Variants in SHANK2 observed in about 807,000 individuals in gnomAD.
The protein encoded by SHANK2 is SH3 and multiple ankyrin repeat domains protein 2.
In SHANK2, 43 loss-of-function variants were observed where a neutral mutation model predicts 133.7. The observed-to-expected ratio is 0.32, with a 90% CI of 0.25 to 0.41. SHANK2 has a LOEUF of 0.41. SHANK2 is among the 10% of genes least tolerant of loss of function. The pLI is 1.00. For missense variants in SHANK2, 1,994 were observed against 2,235.8 expected (o/e 0.89, Z 2.18); for synonymous variants, 1,017 against 952.8 (o/e 1.07, Z -1.24).
At chr11:70,883,051 C>A (rs1203584912) in intron 11 of SHANK2, among the ~76,000 whole-genome samples, 1 of 152,096 alleles carries the variant, frequency 6.6e-6, no homozygotes, top group Non-Finnish European at 1.5e-5. Context: ...AGGGGCGGCT[C>A]CGGAGTCAGG....
chr11:71,062,747 A>G (rs1951002030), intron 9 of SHANK2, among the ~76,000 whole-genome samples: 1 of 152,032 alleles, frequency 6.6e-6, no homozygotes, highest in African/African-American at 2.4e-5. Flanking sequence ...TGTAATCTCA[A>G]CACTTTGGGA....
intron 10 of SHANK2, among the ~76,000 whole-genome samples, chr11:70,949,287 G>A (rs1423065380): frequency 2.0e-5 from 3 of 152,214 alleles, no homozygotes; most frequent in African/African-American, 7.2e-5. Context: ...GGCAGCGGGG[G>A]TGAAAGTGGG....
intron 2 of SHANK2, among the ~76,000 whole-genome samples, chr11:71,206,037 G>C (rs1462393401): frequency 1.3e-5 from 2 of 152,192 alleles, no homozygotes; most frequent in African/African-American, 4.8e-5. Flanking sequence ...CTCTCCGTGT[G>C]CCCCGCGCCA....
At chr11:71,177,865 T>C (rs4332544) in intron 2 of SHANK2, among the ~76,000 whole-genome samples, 52,302 of 151,938 alleles carry the variant, frequency 0.34, 10,665 homozygotes, top group Admixed American at 0.52. Flanking sequence ...AAAACAACAA[T>C]GAGATACCAC....
intron 9 of SHANK2, among the ~76,000 whole-genome samples, chr11:71,072,635 C>T (rs892435256): frequency 6.6e-6 from 1 of 152,116 alleles, no homozygotes; most frequent in South Asian, 2.1e-4. Flanking sequence ...TGGAAGCCAC[C>T]GAGGGTCCCC....
chr11:70,486,702 G>A lies in SHANK2; in HGVS notation c.3591C>T (p.Gly1197=). The part of the protein sequence containing the change: ...AVPSASSGTA[G]PGNYVHPLTG... ...TGAGTGGGTGGACATAATTCCCGGG[G>A]CCGGCTGTGCCGCTGCTCGCGGAGG... The change falls in exon 25 of 26, where the codon GGC becomes GGT. Residue 1197 remains glycine, a synonymous_variant. Coordinates refer to ENST00000601538, the MANE Select transcript of SHANK2 (RefSeq NM_012309.5). The surrounding 1 kb of genome is among the most constrained non-coding windows in gnomAD (Gnocchi z 8.0). 1 of 1,610,462 alleles carries A rather than the reference G, an allele frequency of 6.2e-7. No individual in the cohort carries two copies. The highest frequency in any genetic ancestry group is 8.5e-7 in the Non-Finnish European group (1 of 1,179,914).
In SHANK2 at chr11:70,859,371, C is replaced by G. The variant is rs782738326; in HGVS notation, c.1174+37130G>C. On this transcript the variant is annotated intron_variant, in intron 11 of 25. Coordinates refer to ENST00000601538, the MANE Select transcript of SHANK2 (RefSeq NM_012309.5). ...ATGAATGGAGAAGTTGGTAGGCAAG[C>G]GAGTAGGTGGACGGAAAGATGGGTA... 4.0e-5 allele frequency among the ~76,000 whole-genome samples: 6 copies of G among 151,486 alleles called. 1 individual carries two copies. Among genetic ancestry groups the G allele is most frequent in the Middle Eastern group, 6.3e-3 (2 of 316 alleles).
intron 17 of SHANK2, among the ~76,000 whole-genome samples, chr11:70,558,111 G>GCTGCCC (rs1237115173): frequency 6.6e-6 from 1 of 152,184 alleles, no homozygotes; most frequent in Non-Finnish European, 1.5e-5. Context: ...CAGGGGTCCA[G>GCTGCCC]CTGCCCACCA....
At chr11:70,615,668 C>T (rs782063404) in intron 17 of SHANK2, among the ~76,000 whole-genome samples, 17 of 152,196 alleles carry the variant, frequency 1.1e-4, no homozygotes, top group Non-Finnish European at 2.4e-4. Context: ...TCATGGAACT[C>T]GCTGTGTGGG....
At chr11:70,729,709 T>G (rs1395935547) in intron 14 of SHANK2, among the ~76,000 whole-genome samples, 3 of 151,394 alleles carry the variant, frequency 2.0e-5, no homozygotes, top group Non-Finnish European at 4.4e-5. Flanking sequence ...TTGTATTTTT[T>G]TTTTTAGTAG....
intron 15 of SHANK2, among the ~76,000 whole-genome samples, chr11:70,677,814 G>A (rs551107599): frequency 1.3e-5 from 2 of 152,290 alleles, no homozygotes; most frequent in East Asian, 1.9e-4. Flanking sequence ...GGGTCCTTGC[G>A]TACCCATTTC....
intron 2 of SHANK2, among the ~76,000 whole-genome samples, chr11:71,179,856 T>C (rs541224215): frequency 6.6e-6 from 1 of 152,290 alleles, no homozygotes; most frequent in African/African-American, 2.4e-5. Context: ...AAGACATGCT[T>C]AGGAGAAAAT....
intron 14 of SHANK2, among the ~76,000 whole-genome samples, chr11:70,708,883 A>AC (rs1296048109): frequency 3.3e-5 from 5 of 151,386 alleles, no homozygotes; most frequent in East Asian, 1.9e-4. Context: ...TGATGTGTGG[A>AC]CCCCCCCTGC....
At chr11:70,910,369 C>T (rs1329375312) in intron 10 of SHANK2, among the ~76,000 whole-genome samples, 2 of 152,216 alleles carry the variant, frequency 1.3e-5, no homozygotes, top group Non-Finnish European at 2.9e-5. Flanking sequence ...TCTCTCCCCT[C>T]ACGTGGTCTG....
intron 11 of SHANK2, among the ~76,000 whole-genome samples, chr11:70,881,767 T>C (rs1949664441): frequency 6.6e-6 from 1 of 151,594 alleles, no homozygotes; most frequent in Non-Finnish European, 1.5e-5. Flanking sequence ...TTTTGCTCTG[T>C]TGCCCAGGCT....
chr11:70,563,323 T>C (rs1554981239), intron 17 of SHANK2, among the ~76,000 whole-genome samples: 1 of 152,216 alleles, frequency 6.6e-6, no homozygotes, highest in Non-Finnish European at 1.5e-5. Context: ...TCGTGTACAA[T>C]ACAAGAACTT....
chr11:70,899,511 G>A (rs1005090591), intron 10 of SHANK2, among the ~76,000 whole-genome samples: 5 of 152,158 alleles, frequency 3.3e-5, no homozygotes, highest in Admixed American at 6.5e-5. Flanking sequence ...CCTGAGTGGC[G>A]GCTTCCCTTG....
chr11:70,784,463 T>G (rs1233701676), intron 14 of SHANK2, among the ~76,000 whole-genome samples: 1 of 148,646 alleles, frequency 6.7e-6, no homozygotes, highest in Non-Finnish European at 1.5e-5. Context: ...TTCAGGCGAT[T>G]CTCGTGCCTC....
At chr11:70,777,376 C>T (rs886899971) in intron 14 of SHANK2, among the ~76,000 whole-genome samples, 3 of 151,732 alleles carry the variant, frequency 2.0e-5, no homozygotes, top group Non-Finnish European at 2.9e-5. Context: ...TACACCCATC[C>T]ACCCACCCAT....
Sources: allele counts gnomAD v4.1 joint callset (sites outside exome capture counted in the v4.1 genomes callset), GRCh38; gene constraint gnomAD v4.1.1; non-coding constraint Gnocchi (gnomAD v3.1); transcripts MANE v1.5; gene names NCBI Gene and HGNC (gene_info 2026-07-23, HGNC 2026-07-21).